The following GRIN2A variants were observed in gnomAD, a reference collection of about 807,000 sequenced individuals.
GRIN2A encodes the protein glutamate receptor ionotropic, NMDA 2A.
A neutral mutation model predicts 113.4 loss-of-function variants in GRIN2A; 22 were observed. That is an observed-to-expected ratio of 0.19 (90% confidence interval 0.14 to 0.28). GRIN2A has a LOEUF of 0.28. GRIN2A is among the 10% of genes least tolerant of loss of function. GRIN2A has a pLI of 1.00. For synonymous variants in GRIN2A, 827 were observed against 738.4 expected (o/e 1.12, Z -1.94); for missense variants, 1,502 against 1,887.0 (o/e 0.80, Z 3.78).
rs1234780679 is a variant in GRIN2A at position 10,108,313 on chromosome 16, C to A, written c.414+71685G>T. On this transcript the variant is annotated intron_variant, in intron 2 of 12. Coordinates refer to ENST00000330684, the MANE Select transcript of GRIN2A (RefSeq NM_001134407.3). ...TTTGAAACCATTGGATCTCATGAGA[C>A]CTTATTCACTATTGTGAGAACAGCA... is the stretch of plus-strand genomic sequence containing the variant. 3.3e-5 allele frequency among the ~76,000 whole-genome samples: 5 copies of A among 152,264 alleles called. No individual in the cohort carries two copies. In the East Asian group the frequency reaches 9.6e-4, roughly 29 times the overall value.
chr16:10,107,430 A>T (rs2048521143), intron 2 of GRIN2A, among the ~76,000 whole-genome samples: 1 of 152,118 alleles, frequency 6.6e-6, no homozygotes, highest in African/African-American at 2.4e-5. Context: ...CTTTAAATCC[A>T]CTGCAGGTAG....
At chr16:9,809,399 C>T (rs2042042665) in intron 10 of GRIN2A, among the ~76,000 whole-genome samples, 1 of 152,210 alleles carries the variant, frequency 6.6e-6, no homozygotes, top group South Asian at 2.1e-4. Flanking sequence ...CACTGCACTC[C>T]AGCCTGGGCA....
chr16:9,900,922 A>G (rs1360068140), intron 3 of GRIN2A, among the ~76,000 whole-genome samples: 1 of 152,208 alleles, frequency 6.6e-6, no homozygotes, highest in Non-Finnish European at 1.5e-5. Context: ...AAGTTCACTC[A>G]ATCACCTGTG....
chr16:10,072,858 A>G (rs72774126), intron 2 of GRIN2A, among the ~76,000 whole-genome samples: 14,369 of 151,140 alleles, frequency 0.095, 754 homozygotes, highest in African/African-American at 0.11. Flanking sequence ...GTCAAAGCCT[A>G]TGGCTGGTTT....
At chr16:9,824,558 C>T (rs184612467) in intron 9 of GRIN2A, among the ~76,000 whole-genome samples, 3 of 152,218 alleles carry the variant, frequency 2.0e-5, no homozygotes, top group Non-Finnish European at 4.4e-5. Flanking sequence ...GATAGATATT[C>T]AGTCTCTGTG....
At chr16:10,096,649 C>T (rs1399879364) in intron 2 of GRIN2A, among the ~76,000 whole-genome samples, 1 of 151,766 alleles carries the variant, frequency 6.6e-6, no homozygotes, top group Non-Finnish European at 1.5e-5. Flanking sequence ...GGGGCAAAGT[C>T]CAGACACAAC....
intron 2 of GRIN2A, among the ~76,000 whole-genome samples, chr16:10,109,349 A>G (rs2048564312): frequency 6.6e-6 from 1 of 152,022 alleles, no homozygotes; most frequent in Admixed American, 6.6e-5. Context: ...TTTAAGGAAA[A>G]AAAAAAAAGA....
intron 2 of GRIN2A, among the ~76,000 whole-genome samples, chr16:10,137,882 T>C (rs1477179551): frequency 2.0e-5 from 3 of 152,194 alleles, no homozygotes; most frequent in Non-Finnish European, 4.4e-5. Flanking sequence ...ATAGTACTTG[T>C]CATAAACTCC....
At chr16:10,112,420 A>C (rs1043230246) in intron 2 of GRIN2A, 9 of 732,912 alleles carry the variant, frequency 1.2e-5, no homozygotes, top group Non-Finnish European at 1.8e-5. Context: ...ACTGCTGTGT[A>C]CAAGGTGGCC....
intron 2 of GRIN2A, among the ~76,000 whole-genome samples, chr16:10,151,975 T>C (rs2049587901): frequency 1.3e-5 from 2 of 152,182 alleles, no homozygotes; most frequent in Non-Finnish European, 2.9e-5. Flanking sequence ...AATCAGAACC[T>C]TCTGCTGACT....
chr16:10,177,360 C>A (rs1005008232), intron 2 of GRIN2A, among the ~76,000 whole-genome samples: 6 of 152,168 alleles, frequency 3.9e-5, no homozygotes, highest in Non-Finnish European at 8.8e-5. Flanking sequence ...CCCGATGTTA[C>A]CTCCACTGAG....
intron 3 of GRIN2A, among the ~76,000 whole-genome samples, chr16:9,895,141 C>T (rs1022907654): frequency 3.3e-5 from 5 of 151,938 alleles, no homozygotes; most frequent in South Asian, 2.1e-4. Flanking sequence ...ATAACTATAA[C>T]GAAGAACAAT....
rs765941753 is a variant in GRIN2A at position 9,764,748 on chromosome 16, C to G, written c.2796G>C (p.Met932Ile). The change falls in exon 13 of 13, where the codon ATG (methionine) becomes ATC (isoleucine). Residue 932 changes from methionine to isoleucine, a missense_variant. Met to Ile is a conservative substitution (Grantham distance 10). Coordinates refer to ENST00000330684, the MANE Select transcript of GRIN2A (RefSeq NM_001134407.3). ...ADFIQRGSLI[M>I]DMVSDKGNLM... is the part of the protein sequence containing the mutation. The stretch of plus-strand genomic sequence containing the variant: ...AATTCCCCTTATCTGAAACCATGTC[C>G]ATGATGAGGGAACCTCTTTGGATGA... 10 of 1,614,202 alleles carry G rather than the reference C, an allele frequency of 6.2e-6. No homozygotes were observed. The highest frequency in any genetic ancestry group is 7.6e-6 in the Non-Finnish European group (9 of 1,180,006).
At chr16:9,890,456 G>C (rs1478395986) in intron 4 of GRIN2A, among the ~76,000 whole-genome samples, 2 of 152,114 alleles carry the variant, frequency 1.3e-5, no homozygotes, top group Non-Finnish European at 2.9e-5. Flanking sequence ...ATTTTCAATA[G>C]CTAATATACA....
intron 7 of GRIN2A, among the ~76,000 whole-genome samples, chr16:9,834,517 G>A (rs1053135525): frequency 3.3e-5 from 5 of 152,080 alleles, no homozygotes; most frequent in Non-Finnish European, 5.9e-5. Flanking sequence ...GAGTAGCTGG[G>A]ACTACAGGCA....
rs1900281878 is a variant in GRIN2A, at chr16:9,754,533, T to C, written c.*8616A>G. 1 of 212,814 alleles carries C rather than the reference T, an allele frequency of 4.7e-6. No homozygotes were observed. 13.2% of individuals were successfully genotyped at this position (212,814 alleles called of 1,614,324 possible). ...ATCAAAAATTTCAAACAAGATCACC[T>C]GGATTTGGCTCAAATTAGAGGCCTG... On this transcript the variant is annotated 3_prime_UTR_variant, in exon 13 of 13. Transcript: ENST00000330684.
chr16:10,072,656 A>T (rs938850455), intron 2 of GRIN2A, among the ~76,000 whole-genome samples: 1 of 152,198 alleles, frequency 6.6e-6, no homozygotes, highest in Non-Finnish European at 1.5e-5. Flanking sequence ...CAGTGCCTCT[A>T]AAGACGTGGT....
intron 10 of GRIN2A, among the ~76,000 whole-genome samples, chr16:9,811,114 G>A (rs1435057654): frequency 6.6e-6 from 1 of 152,154 alleles, no homozygotes; most frequent in Non-Finnish European, 1.5e-5. Flanking sequence ...TTTACTGTGG[G>A]GAGAAAGGAA....
chr16:10,078,673 G>T (rs2047922929), intron 2 of GRIN2A, among the ~76,000 whole-genome samples: 1 of 152,164 alleles, frequency 6.6e-6, no homozygotes, highest in African/African-American at 2.4e-5. Context: ...GCAACCTCGA[G>T]GCTGGGAATC....
Sources: allele counts gnomAD v4.1 joint callset (sites outside exome capture counted in the v4.1 genomes callset), GRCh38; gene constraint gnomAD v4.1.1; transcripts MANE v1.5; gene names NCBI Gene and HGNC (gene_info 2026-07-23, HGNC 2026-07-21).